Variants in FGD5 observed in about 807,000 individuals in gnomAD.
FGD5 encodes the protein FYVE, RhoGEF and PH domain-containing protein 5.
In FGD5, 28 loss-of-function variants were observed where a neutral mutation model predicts 133.4. The ratio of observed to expected loss-of-function variants is 0.21; its 90% CI spans 0.16 to 0.29. The LOEUF (loss-of-function observed/expected upper bound fraction) is 0.29. Ranked by LOEUF, FGD5 falls within the 10% of genes least tolerant of loss-of-function variation. The probability of loss-of-function intolerance (pLI) is 1.00; values close to 1 mark genes in which losing one functional copy is unlikely to be tolerated. For synonymous variants in FGD5, 810 were observed against 776.5 expected (o/e 1.04, Z -0.72); for missense variants, 1,858 against 1,895.2 (o/e 0.98, Z 0.36).
chr3:14,865,750 G>A (rs1406934999), intron 2 of FGD5, among the ~76,000 whole-genome samples: 1 of 152,236 alleles, frequency 6.6e-6, no homozygotes, highest in Non-Finnish European at 1.5e-5. Context: ...CACAGCTAGT[G>A]AATGAAGGGG....
At chr3:14,831,779 C>G (rs1053715352) in intron 1 of FGD5, among the ~76,000 whole-genome samples, 3 of 152,258 alleles carry the variant, frequency 2.0e-5, no homozygotes, top group Non-Finnish European at 4.4e-5. Context: ...TACTCTAGTA[C>G]AATTATTGTC....
chr3:14,873,973 T>C (rs1366921993), intron 2 of FGD5, among the ~76,000 whole-genome samples: 1 of 152,060 alleles, frequency 6.6e-6, no homozygotes, highest in Non-Finnish European at 1.5e-5. Flanking sequence ...GCACCTGCCT[T>C]GGCCTCGCAA....
intron 4 of FGD5, among the ~76,000 whole-genome samples, chr3:14,890,712 G>A (rs1303608818): frequency 6.6e-6 from 1 of 152,218 alleles, no homozygotes; most frequent in Non-Finnish European, 1.5e-5. Context: ...CCTGCCCATT[G>A]GGACTGAGTC....
chr3:14,880,029 C>G (rs1289948246), intron 2 of FGD5, among the ~76,000 whole-genome samples: 1 of 152,076 alleles, frequency 6.6e-6, no homozygotes, highest in Admixed American at 6.6e-5. Flanking sequence ...AGCTCAACAA[C>G]CTTCAGAGTT....
At chr3:14,898,613 G>C (rs2038180276) in intron 6 of FGD5, 126 bp from the exon 7 acceptor site, 3 of 740,938 alleles carry the variant, frequency 4.0e-6, no homozygotes, top group Non-Finnish European at 6.7e-6. Context: ...TGGTTTTGGA[G>C]ATGAGGGAGA....
In FGD5 at chr3:14,820,045, G is replaced by A. The variant is rs1192038707; in HGVS notation, c.974G>A (p.Cys325Tyr). ...CAGGATGAGTCCGCCGAGGAGAGCT[G>A]CCAGATTGTCCCTTTTGAGAATGAC... is the stretch of plus-strand genomic sequence containing the variant. The part of the protein sequence containing the change: ...HAQDESAEES[C>Y]QIVPFENDCM... The change falls in exon 1 of 20, where the codon TGC (cysteine) becomes TAC (tyrosine). Residue 325 changes from cysteine (C) to tyrosine (Y), a missense_variant. Cys to Tyr is a radical substitution (Grantham distance 194). Around this residue, in one of 3 missense-constraint regions of FGD5, gnomAD observed 1,824 missense variants for 1,848.9 expected, o/e 0.99. Coordinates refer to ENST00000285046, the MANE Select transcript of FGD5 (RefSeq NM_152536.4). 6.2e-7 allele frequency: 1 copy of A among 1,614,040 alleles called. No homozygotes were observed. Among genetic ancestry groups the A allele is most frequent in the Admixed American group, 1.7e-5 (1 of 60,030 alleles).
At chr3:14,844,054 G>A (rs981121986) in intron 1 of FGD5, among the ~76,000 whole-genome samples, 4 of 149,838 alleles carry the variant, frequency 2.7e-5, no homozygotes, top group Admixed American at 1.3e-4. Flanking sequence ...TTGGAAGGAC[G>A]GGATTCCTAT....
intron 1 of FGD5, among the ~76,000 whole-genome samples, chr3:14,830,690 G>A (rs946540119): frequency 5.3e-5 from 8 of 152,216 alleles, no homozygotes; most frequent in African/African-American, 1.7e-4. Context: ...GTTCCAGCTT[G>A]AGTCTGGATT....
At chr3:14,815,830 G>A (rs1296875242), upstream of FGD5, among the ~76,000 whole-genome samples, 1 of 152,200 alleles carries the variant, frequency 6.6e-6, no homozygotes, top group Admixed American at 6.5e-5. Context: ...CTAGAAAGCC[G>A]GAAACGCAGG....
At chr3:14,830,463 A>AT (rs34745966) in intron 1 of FGD5, among the ~76,000 whole-genome samples, 74,431 of 151,834 alleles carry the variant, frequency 0.49, 18,628 homozygotes, top group Non-Finnish European at 0.52. Context: ...ACCCCCAACT[A>AT]TTTTTTTTAC....
Position 14,849,640 on chromosome 3 carries a change from A to G in FGD5, c.2526-14488A>G, listed in dbSNP as rs150395711. Among the ~76,000 whole-genome samples, 25 of 152,304 alleles carry G rather than the reference A, an allele frequency of 1.6e-4. 1 individual carries two copies. The East Asian group carries it at 2.7e-3, about 16-fold the overall frequency. The stretch of plus-strand genomic sequence containing the variant: ...ACGAGGTAGCCCCTGGGACGTGCTC[A>G]GCTCAGTGCTTAATAAATGAATAAA... On this transcript the variant is annotated intron_variant, in intron 1 of 19. Transcript: ENST00000285046.
At chr3:14,891,404 C>G (rs897621498) in intron 4 of FGD5, among the ~76,000 whole-genome samples, 6 of 152,238 alleles carry the variant, frequency 3.9e-5, no homozygotes. Context: ...AGCTCCTGTA[C>G]AAGGACATTC....
Position 14,898,020 on chromosome 3 carries a change from C to G in FGD5, c.2991C>G (p.Phe997Leu). 6.2e-7 allele frequency: 1 copy of G among 1,613,964 alleles called. No homozygotes were observed. Among genetic ancestry groups the G allele is most frequent in the East Asian group, 2.2e-5 (1 of 44,886 alleles). Residue 997 changes from phenylalanine (F) to leucine (L), a missense_variant, in exon 6 of 20, where the codon TTC becomes TTG. Around this residue, in one of 3 missense-constraint regions of FGD5, gnomAD observed 1,824 missense variants for 1,848.9 expected, o/e 0.99. Coordinates refer to ENST00000285046, the MANE Select transcript of FGD5 (RefSeq NM_152536.4). The stretch of plus-strand genomic sequence containing the variant: ...ACCACGCCACTCACATCCTGCAGTT[C>G]GACAGGTACCTAGGTCTGCTCAGTG... ...FDHHATHILQ[F>L]DRYLGLLSEN...
chr3:14,900,731 G>A (rs548945147), intron 8 of FGD5, among the ~76,000 whole-genome samples: 14 of 152,148 alleles, frequency 9.2e-5, no homozygotes, highest in Non-Finnish European at 1.8e-4. Flanking sequence ...GAGGGGTGGT[G>A]CCAGGTCTGA....
chr3:14,907,564 G>A (rs372650312), intron 9 of FGD5, 76 bp from the exon 10 acceptor site: 62 of 1,358,658 alleles, frequency 4.6e-5, no homozygotes, highest in African/African-American at 1.0e-4. Flanking sequence ...CAGAAGCAAC[G>A]CCATGCCTTA....
intron 11 of FGD5, among the ~76,000 whole-genome samples, chr3:14,915,167 G>A (rs1427406527): frequency 6.6e-6 from 1 of 152,190 alleles, no homozygotes; most frequent in Non-Finnish European, 1.5e-5. Flanking sequence ...ACTCTACTGG[G>A]ACACAGCAAG....
chr3:14,848,608 G>T (rs1426159746), intron 1 of FGD5, among the ~76,000 whole-genome samples: 1 of 152,160 alleles, frequency 6.6e-6, no homozygotes, highest in Non-Finnish European at 1.5e-5. Flanking sequence ...TTAAAATCTT[G>T]TAAGAAATGG....
intron 4 of FGD5, among the ~76,000 whole-genome samples, chr3:14,881,522 T>C (rs1307972663): frequency 6.6e-6 from 1 of 151,970 alleles, no homozygotes; most frequent in African/African-American, 2.4e-5. Flanking sequence ...GAGGAGGTGA[T>C]ATTAAGGGCT....
At chr3:14,865,183 G>A (rs760152696) in intron 2 of FGD5, among the ~76,000 whole-genome samples, 2 of 147,168 alleles carry the variant, frequency 1.4e-5, no homozygotes, top group African/African-American at 5.0e-5. Flanking sequence ...AGAGTGAAGC[G>A]CCCCCTTCGC....
Sources: allele counts gnomAD v4.1 joint callset (sites outside exome capture counted in the v4.1 genomes callset), GRCh38; gene constraint gnomAD v4.1.1; regional missense constraint gnomAD v4.1.1; transcripts MANE v1.5; gene names NCBI Gene and HGNC (gene_info 2026-07-23, HGNC 2026-07-21).